Variants in DMD observed in about 807,000 individuals in gnomAD.
DMD encodes the protein dystrophin.
A neutral mutation model predicts 330.1 loss-of-function variants in DMD; 63 were observed. The ratio of observed to expected loss-of-function variants is 0.19; its 90% CI spans 0.16 to 0.24. The LOEUF (loss-of-function observed/expected upper bound fraction) is 0.24. Ranked by LOEUF, DMD falls within the 10% of genes least tolerant of loss-of-function variation. The probability of loss-of-function intolerance (pLI) is 1.00; values close to 1 mark genes in which losing one functional copy is unlikely to be tolerated. For missense variants in DMD, 3,344 were observed against 2,684.1 expected (o/e 1.25, Z -5.43); for synonymous variants, 1,223 against 959.8 (o/e 1.27, Z -5.07).
chrX:32,638,155 A>T (rs1440741050), intron 11 of DMD, among the ~76,000 whole-genome samples: 1 of 111,844 alleles, frequency 8.9e-6, no homozygotes, highest in Non-Finnish European at 1.9e-5. Flanking sequence ...TTATTAGTCC[A>T]ATAGCTTAAT....
chrX:31,266,140 C>T (rs1420387372), intron 62 of DMD, among the ~76,000 whole-genome samples: 9 of 73,065 alleles, frequency 1.2e-4, no homozygotes, highest in African/African-American at 4.4e-4. Flanking sequence ...GAAATGACTC[C>T]ACACCCAATC....
At chrX:32,520,165 A>G (rs1367846973) in intron 17 of DMD, among the ~76,000 whole-genome samples, 2 of 111,743 alleles carry the variant, frequency 1.8e-5, no homozygotes, top group East Asian at 5.7e-4. Context: ...TATGATTTTT[A>G]TCTTTCCTAC....
intron 1 of DMD, among the ~76,000 whole-genome samples, chrX:33,054,338 A>G (rs747747810): frequency 8.9e-6 from 1 of 112,062 alleles, no homozygotes; most frequent in African/African-American, 3.2e-5. Context: ...TATATATTCC[A>G]TAGTTTTGTG....
chrX:31,504,029 G>A (rs1208646856), intron 56 of DMD, among the ~76,000 whole-genome samples: 2 of 111,076 alleles, frequency 1.8e-5, no homozygotes, highest in Admixed American at 1.9e-4. Context: ...GCCCAGAAGA[G>A]TGCCTAGTAC....
Position 31,166,573 on chromosome X carries a change from C to T in DMD, c.10553+2870G>A, listed in dbSNP as rs748779171. Among the ~76,000 whole-genome samples the T allele has an allele frequency of 1.3e-3, 145 of 111,829 alleles. 1 individual carries two copies. Among genetic ancestry groups the T allele is most frequent in the African/African-American group, 4.3e-3 (131 of 30,774 alleles). ...CTTAGGACATAGCCAGCTAGACATG[C>T]ACAGAGAGGGCATCTAAAGAATTCC... is the stretch of plus-strand genomic sequence containing the variant. On this transcript the variant is annotated intron_variant, in intron 74 of 78. Coordinates refer to ENST00000357033, the MANE Select transcript of DMD (RefSeq NM_004006.3).
chrX:31,965,449 G>A (rs1180713912), intron 45 of DMD, among the ~76,000 whole-genome samples: 2 of 111,952 alleles, frequency 1.8e-5, no homozygotes, highest in African/African-American at 6.5e-5. Flanking sequence ...TATTATAACT[G>A]TAATGAGATG....
intron 1 of DMD, among the ~76,000 whole-genome samples, chrX:33,067,601 G>A (rs1176656595): frequency 8.9e-6 from 1 of 112,210 alleles, no homozygotes; most frequent in Non-Finnish European, 1.9e-5. Context: ...AGCACTTTGG[G>A]AGGCCAAGGC....
intron 60 of DMD, among the ~76,000 whole-genome samples, chrX:31,372,947 C>T (rs1047791328): frequency 1.8e-5 from 2 of 111,845 alleles, no homozygotes; most frequent in African/African-American, 6.5e-5. Context: ...CCCAAATCTC[C>T]TTAAGCTGAT....
chrX:31,233,594 G>T (rs2047426264), intron 63 of DMD, among the ~76,000 whole-genome samples: 1 of 111,178 alleles, frequency 9.0e-6, no homozygotes, highest in Admixed American at 9.6e-5. Context: ...TCTTACAGTT[G>T]AAAAATTTGT....
At chrX:31,219,825 T>C (rs1027760517) in intron 64 of DMD, among the ~76,000 whole-genome samples, 12 of 33,253 alleles carry the variant, frequency 3.6e-4, no homozygotes, top group African/African-American at 1.0e-3. Flanking sequence ...TGTTCAAGGA[T>C]CAATGTATAC....
At chrX:32,511,347 C>G (rs2045289869) in intron 18 of DMD, among the ~76,000 whole-genome samples, 1 of 108,156 alleles carries the variant, frequency 9.2e-6, no homozygotes, top group African/African-American at 3.4e-5. Context: ...CAGTTGAAAC[C>G]CCGTCTCTAC....
rs187441883 is a variant in DMD, at chrX:32,711,545, G to C, written c.650-12252C>G. ...TTTGGCCCCAAGAGTTCAACCGTTA[G>C]TTGTCTTTGATATTTTAATTTCATA... On this transcript the variant is annotated intron_variant, in intron 7 of 78. Transcript: ENST00000357033. 9.8e-4 allele frequency among the ~76,000 whole-genome samples: 110 copies of C among 111,746 alleles called. 1 individual carries two copies. The highest frequency in any genetic ancestry group is 1.7e-3 in the Non-Finnish European group (90 of 53,044).
Position 33,005,109 on chromosome X carries a change from G to T in DMD, c.93+15030C>A, listed in dbSNP as rs1262962589. 2.7e-5 allele frequency among the ~76,000 whole-genome samples: 3 copies of T among 110,222 alleles called. No individual in the cohort carries two copies. In the South Asian group the frequency reaches 1.1e-3, roughly 42 times the overall value. ...CCACTGCTTGCAATTGTTTTGCCTC[G>T]AATTGGTTTATCTTGTCTGGTTGCA... On this transcript the variant is annotated intron_variant, in intron 2 of 78. Coordinates refer to ENST00000357033, the MANE Select transcript of DMD (RefSeq NM_004006.3).
chrX:31,883,958 T>G (rs982191640), intron 47 of DMD, among the ~76,000 whole-genome samples: 1 of 110,818 alleles, frequency 9.0e-6, no homozygotes, highest in Non-Finnish European at 1.9e-5. Flanking sequence ...TATCATCTTA[T>G]ACCTGTTAGA....
intron 44 of DMD, among the ~76,000 whole-genome samples, chrX:32,126,555 T>C (rs1344434410): frequency 9.1e-6 from 1 of 109,407 alleles, no homozygotes; most frequent in Non-Finnish European, 1.9e-5. Flanking sequence ...TAACCAGATG[T>C]TTATACCCTG....
chrX:31,553,586 T>C (rs2074623137), intron 55 of DMD, among the ~76,000 whole-genome samples: 1 of 112,556 alleles, frequency 8.9e-6, no homozygotes, highest in Admixed American at 9.4e-5. Flanking sequence ...TTGTTTTAAA[T>C]ATGTACATAT....
chrX:32,755,103 C>T (rs2071335234), intron 7 of DMD: 1 of 111,085 alleles, frequency 9.0e-6, no homozygotes, highest in Non-Finnish European at 1.9e-5. Flanking sequence ...CCCTACTCAT[C>T]ACATTGCTGA....
At chrX:31,456,903 C>A (rs1233585804) in intron 59 of DMD, among the ~76,000 whole-genome samples, 1 of 100,422 alleles carries the variant, frequency 1.0e-5, no homozygotes, top group Non-Finnish European at 2.0e-5. Flanking sequence ...ATATACCTAT[C>A]ATCCACTGGA....
intron 44 of DMD, among the ~76,000 whole-genome samples, chrX:32,180,372 T>C (rs770423302): frequency 6.6e-4 from 74 of 112,045 alleles, no homozygotes; most frequent in African/African-American, 2.4e-3. Flanking sequence ...TGAGCTCTAA[T>C]TGAGAAATAC....
Sources: gnomAD v4.1 joint callset for allele counts (sites outside exome capture counted in the v4.1 genomes callset) on GRCh38, gnomAD v4.1.1 for gene constraint, MANE v1.5 for transcripts, NCBI Gene and HGNC (gene_info 2026-07-23, HGNC 2026-07-21) for gene names.